ZNF195: variants seen among roughly 807,000 people sequenced by gnomAD.
ZNF195 encodes the protein zinc finger protein 195.
Under a neutral mutation model 19.5 loss-of-function variants are expected in ZNF195, and 11 were observed. The observed-to-expected ratio is 0.57, with a 90% CI of 0.36 to 0.94. The LOEUF is 0.94. Among genes scored for constraint, ZNF195 ranks in the 40% least tolerant of loss-of-function variants. The pLI, the probability that ZNF195 is intolerant of heterozygous loss-of-function variation, is 0.01. For missense variants in ZNF195, 582 were observed against 709.0 expected (o/e 0.82, Z 2.03); for synonymous variants, 214 against 248.1 (o/e 0.86, Z 1.29).
At chr11:3,368,939 G>T in intron 3 of ZNF195, 2 of 443,678 alleles carry the variant, frequency 4.5e-6, no homozygotes, top group Non-Finnish European at 9.1e-6. Flanking sequence ...TTGAAATCAA[G>T]CCTAAAATGT....
chr11:3,370,229 TATATAC>T (rs1849134029), intron 3 of ZNF195, among the ~76,000 whole-genome samples: 2 of 113,242 alleles, frequency 1.8e-5, no homozygotes, highest in Non-Finnish European at 3.9e-5. Flanking sequence ...TATACACACA[TATATAC>T]ATATGCACAC....
intron 3 of ZNF195, chr11:3,369,117 TG>T (rs1849050035): frequency 3.5e-6 from 1 of 283,268 alleles, no homozygotes; most frequent in Admixed American, 4.4e-5. Flanking sequence ...ATCAAACTTT[TG>T]GATACTAGGA....
rs1433041388 is a variant in ZNF195, at chr11:3,359,342, C to T, written c.1666G>A (p.Gly556Ser). ...TCTGAGAACCACATGAAGACTCTGCCACATTCTTCACACTTGTAGGGTTTC... is the reference window on the plus strand; with the variant it reads ...TCTGAGAACCACATGAAGACTCTGCTACATTCTTCACACTTGTAGGGTTTC... ...GEKPYKCEEC[G>S]RVFMWFSDIT... The change falls in exon 6 of 6, where the codon GGC becomes AGC. Residue 556 changes from glycine (G) to serine (S), a missense_variant. Physicochemically the swap from Gly to Ser is moderately conservative, Grantham distance 56 (BLOSUM62 0). This residue lies in a region of ZNF195 where 407 missense variants were observed against 530.5 expected (regional missense o/e 0.77). Coordinates refer to ENST00000399602, the MANE Select transcript of ZNF195 (RefSeq NM_001130520.3). The surrounding 1 kb of genome is among the most constrained non-coding windows in gnomAD (Gnocchi z 5.5). The T allele has an allele frequency of 2.5e-6, 4 of 1,613,696 alleles. No homozygotes were observed. The highest frequency in any genetic ancestry group is 3.4e-6 in the Non-Finnish European group (4 of 1,179,910).
chr11:3,372,592 C>G (rs1419992253), intron 1 of ZNF195, among the ~76,000 whole-genome samples: 2 of 152,156 alleles, frequency 1.3e-5, no homozygotes, highest in Non-Finnish European at 2.9e-5. Context: ...CTCCCAGGTT[C>G]TGACAAATAT....
chr11:3,375,353 C>A lies in ZNF195; in HGVS notation c.4-3650G>T, dbSNP rs1034184442. ...CTATTTTATAACATAAAATAACAAG[C>A]AATTTAACCGAAACCTTTAGGATTT... is the stretch of plus-strand genomic sequence containing the variant. On this transcript the variant is annotated intron_variant, in intron 1 of 5. Coordinates refer to ENST00000399602, the MANE Select transcript of ZNF195 (RefSeq NM_001130520.3). 8 of 152,220 alleles carry A rather than the reference C, an allele frequency of 5.3e-5. No homozygotes were observed. In the East Asian group the frequency reaches 1.5e-3, roughly 29 times the overall value. The allele number at this position is 152,220 out of a possible 1,614,324, so 9.4% of individuals were successfully genotyped here.
At chr11:3,370,931 T>TTGGACCTCTC in intron 3 of ZNF195, 44 bp downstream of exon 3, 3 of 1,604,976 alleles carry the variant, frequency 1.9e-6, no homozygotes, top group African/African-American at 1.3e-5. Context: ...CCTCGACCTC[T>TTGGACCTCTC]GGACCTCTCA....
At chr11:3,365,139 C>G (rs1283745029) in intron 3 of ZNF195, among the ~76,000 whole-genome samples, 1 of 152,136 alleles carries the variant, frequency 6.6e-6, no homozygotes, top group Non-Finnish European at 1.5e-5. Flanking sequence ...AACATCAGGG[C>G]TCCCAGATAT....
chr11:3,371,728 C>A, intron 1 of ZNF195, 25 bp from the exon 2 acceptor site: 1 of 1,575,472 alleles, frequency 6.3e-7, no homozygotes, highest in Non-Finnish European at 8.6e-7. Context: ...ACAACAATAA[C>A]AAATACTTGA....
chr11:3,366,697 A>G, intron 3 of ZNF195: 1 of 181,260 alleles, frequency 5.5e-6, no homozygotes, highest in Non-Finnish European at 1.2e-5. Context: ...AGACCTGTCA[A>G]GGATGTGAAG....
chr11:3,368,941 C>T (rs1849042580), intron 3 of ZNF195: 3 of 442,402 alleles, frequency 6.8e-6, no homozygotes, highest in African/African-American at 2.0e-5. Flanking sequence ...GAAATCAAGC[C>T]TAAAATGTAA....
intron 2 of ZNF195, 53 bp from the exon 3 acceptor site, chr11:3,371,123 AACCTTGT>A: frequency 6.4e-7 from 1 of 1,550,566 alleles, no homozygotes; most frequent in Non-Finnish European, 8.9e-7. Context: ...TCCAATTATC[AACCTTGT>A]ACTGTGCTTA....
intron 1 of ZNF195, among the ~76,000 whole-genome samples, chr11:3,378,142 T>A (rs1372147798): frequency 2.0e-5 from 3 of 152,006 alleles, no homozygotes; most frequent in Non-Finnish European, 4.4e-5. Context: ...AAACCCCGTC[T>A]CTACTAAAAA....
intron 1 of ZNF195, among the ~76,000 whole-genome samples, chr11:3,376,210 T>TGAGC (rs1849452742): frequency 1.3e-5 from 2 of 151,888 alleles, no homozygotes; most frequent in African/African-American, 4.8e-5. Flanking sequence ...ATGGTTGCTG[T>TGAGC]GAGCAGTCTG....
chr11:3,376,334 A>G (rs1358392984), intron 1 of ZNF195, among the ~76,000 whole-genome samples: 2 of 142,500 alleles, frequency 1.4e-5, no homozygotes, highest in Non-Finnish European at 3.1e-5. Context: ...CTGATAACTG[A>G]AAAAAAAAAA....
chr11:3,359,914 G>A lies in ZNF195; in HGVS notation c.1094C>T (p.Ser365Phe). 4 of 1,614,198 alleles carry A rather than the reference G, an allele frequency of 2.5e-6. No individual in the cohort carries two copies. Among genetic ancestry groups the A allele is most frequent in the Non-Finnish European group, 3.4e-6 (4 of 1,180,042 alleles). Reference sequence around the variant, plus strand: ...CTGTTGATTAGAAAGGCTTGAGCAAGAGATAAAGACACTGCTGCACTCTTC... The same window carrying A: ...CTGTTGATTAGAAAGGCTTGAGCAAAAGATAAAGACACTGCTGCACTCTTC... ...KYEECSSVFI[S>F]CSSLSNQQMI... The change falls in exon 6 of 6, where the codon TCT (serine) becomes TTT (phenylalanine). Residue 365 changes from serine to phenylalanine, a missense_variant. By Grantham distance (155) the Ser-to-Phe change is radical. This residue lies in a region of ZNF195 where 407 missense variants were observed against 530.5 expected (regional missense o/e 0.77). Transcript: ENST00000399602. The surrounding 1 kb of genome is among the most constrained non-coding windows in gnomAD (Gnocchi z 5.5).
chr11:3,369,584 A>T (rs1849079817), intron 3 of ZNF195: 1 of 426,428 alleles, frequency 2.3e-6, no homozygotes, highest in Non-Finnish European at 4.8e-6. Flanking sequence ...CCTGTCATTC[A>T]ACCACGTGGA....
intron 3 of ZNF195, among the ~76,000 whole-genome samples, chr11:3,368,505 C>T (rs569509089): frequency 1.4e-4 from 21 of 152,240 alleles, no homozygotes; most frequent in African/African-American, 5.1e-4. Flanking sequence ...TGCTAAAGAC[C>T]AAGACTATAG....
rs1235565219 is a variant in ZNF195, at chr11:3,361,889, T to C, written c.227A>G (p.Glu76Gly). 2.3e-6 allele frequency: 1 copy of C among 437,690 alleles called. No individual in the cohort carries two copies. The highest frequency in any genetic ancestry group is 4.5e-6 in the Non-Finnish European group (1 of 222,644). The allele number at this position is 437,690 out of a possible 1,614,324, so 27.1% of individuals were successfully genotyped here. Residue 76 changes from glutamate to glycine, a missense_variant and splice_region_variant, in exon 4 of 6, where the codon GAG becomes GGG. Glu to Gly is a moderately conservative substitution (Grantham distance 98). Around this residue, in one of 3 missense-constraint regions of ZNF195, gnomAD observed 129 missense variants for 112.1 expected, o/e 1.15. Transcript: ENST00000399602. ...CTGAGTAGCATGGTGAAATCCCATCTCTACAGAAAATACAAAAAAATTAGC... is the reference window on the plus strand; with the variant it reads ...CTGAGTAGCATGGTGAAATCCCATCCCTACAGAAAATACAAAAAAATTAGC... ...KRQEAADGHP[E>G]MGFHHATQAC... is the part of the protein sequence containing the mutation.
rs1315756677 is a variant in ZNF195, at chr11:3,379,135, G to C, written c.-95C>G. The C allele has an allele frequency of 7.2e-7, 1 of 1,387,848 alleles. No homozygotes were observed. The highest frequency in any genetic ancestry group is 9.5e-7 in the Non-Finnish European group (1 of 1,057,584). 86.0% of individuals were successfully genotyped at this position (1,387,848 alleles called of 1,614,324 possible). A position where few individuals can be genotyped will look rare whatever the true frequency, so the allele number is the denominator to read the frequency against. On this transcript the variant is annotated 5_prime_UTR_variant, in exon 1 of 6. Transcript: ENST00000399602. ...GGCTAGCAGGGGACACAGAGCCGCG[G>C]GGACAGGAAGTGGAGCTCTGTCGGG...
Sources: gnomAD v4.1 joint callset for allele counts (sites outside exome capture counted in the v4.1 genomes callset) on GRCh38, gnomAD v4.1.1 for gene constraint, gnomAD v4.1.1 regional missense constraint, Gnocchi (gnomAD v3.1) non-coding constraint, MANE v1.5 for transcripts, NCBI Gene and HGNC (gene_info 2026-07-23, HGNC 2026-07-21) for gene names.